Variants in AUTS2 observed in about 807,000 individuals in gnomAD.
The protein encoded by AUTS2 is autism susceptibility gene 2 protein.
AUTS2 carries 17 observed loss-of-function variants against 112.4 expected under a neutral mutation model. The observed-to-expected ratio is 0.15, with a 90% CI of 0.10 to 0.23. The LOEUF (loss-of-function observed/expected upper bound fraction) is 0.23. AUTS2 is among the 10% of genes least tolerant of loss of function. The pLI, the probability that AUTS2 is intolerant of heterozygous loss-of-function variation, is 1.00. For missense variants in AUTS2, 1,510 were observed against 1,701.6 expected (o/e 0.89, Z 1.98); for synonymous variants, 751 against 702.7 (o/e 1.07, Z -1.09).
chr7:70,110,833 A>G (rs1357218956), intron 2 of AUTS2, among the ~76,000 whole-genome samples: 4 of 150,656 alleles, frequency 2.7e-5, no homozygotes, highest in Non-Finnish European at 4.4e-5. Context: ...CATGAATTTC[A>G]AGGGAATACC....
intron 1 of AUTS2, among the ~76,000 whole-genome samples, chr7:69,793,039 A>G (rs1268562835): frequency 6.6e-6 from 1 of 152,110 alleles, no homozygotes; most frequent in Non-Finnish European, 1.5e-5. Context: ...GCTTCAGTAT[A>G]TCTTTCACAA....
chr7:69,858,881 T>G (rs960192047), intron 1 of AUTS2, among the ~76,000 whole-genome samples: 12 of 152,232 alleles, frequency 7.9e-5, no homozygotes, highest in Admixed American at 3.9e-4. Flanking sequence ...TTACTCTTTT[T>G]GCCCTGACAT....
At chr7:69,795,446 G>A (rs1003026169) in intron 1 of AUTS2, among the ~76,000 whole-genome samples, 4 of 152,118 alleles carry the variant, frequency 2.6e-5, no homozygotes, top group Admixed American at 6.5e-5. Flanking sequence ...TTGGGACATC[G>A]AGGCAGGAGG....
chr7:70,731,743 C>G lies in AUTS2; in HGVS notation c.743-31127C>G, dbSNP rs555512746. On this transcript the variant is annotated intron_variant, in intron 6 of 18. Coordinates refer to ENST00000342771, the MANE Select transcript of AUTS2 (RefSeq NM_015570.4). ...CGCGCCCAGTCTCCTTTACCCAGAT[C>G]TAACTCTTAATTTGTTGCTCCATTT... 4.3e-5 allele frequency among the ~76,000 whole-genome samples: 6 copies of G among 140,858 alleles called. No homozygotes were observed. In the East Asian group the frequency reaches 1.5e-3, roughly 35 times the overall value. The allele number at this position is 140,858 out of a possible 152,430, so 92.4% of individuals were successfully genotyped here. A position where few individuals can be genotyped will look rare whatever the true frequency, so the allele number is the denominator to read the frequency against.
intron 5 of AUTS2, among the ~76,000 whole-genome samples, chr7:70,473,931 C>G (rs1438860941): frequency 6.6e-6 from 1 of 152,186 alleles, no homozygotes; most frequent in African/African-American, 2.4e-5. Context: ...TGCTAGCTCA[C>G]CAGATAAAAT....
At chr7:70,545,169 A>G (rs1365878869) in intron 5 of AUTS2, among the ~76,000 whole-genome samples, 1 of 152,238 alleles carries the variant, frequency 6.6e-6, no homozygotes, top group East Asian at 1.9e-4. Context: ...AGCTTGGAAG[A>G]AAGGGAAAGT....
At chr7:70,548,554 A>T (rs993345387) in intron 5 of AUTS2, among the ~76,000 whole-genome samples, 1 of 152,144 alleles carries the variant, frequency 6.6e-6, no homozygotes, top group Non-Finnish European at 1.5e-5. Context: ...ACATTCATCT[A>T]TGTGGCTGAG....
intron 2 of AUTS2, among the ~76,000 whole-genome samples, chr7:70,059,881 C>G (rs1477496743): frequency 6.6e-6 from 1 of 152,208 alleles, no homozygotes; most frequent in Non-Finnish European, 1.5e-5. Context: ...TTCCAAATAG[C>G]TGCTTGACCT....
chr7:70,542,963 G>A (rs1800613551), intron 5 of AUTS2, among the ~76,000 whole-genome samples: 1 of 152,176 alleles, frequency 6.6e-6, no homozygotes, highest in African/African-American at 2.4e-5. Context: ...CAAGCACTAA[G>A]GGGCTGAGAC....
chr7:70,695,246 C>T (rs1350753073), intron 5 of AUTS2, among the ~76,000 whole-genome samples: 4 of 152,160 alleles, frequency 2.6e-5, no homozygotes, highest in African/African-American at 9.6e-5. Context: ...CCCTGTCGCC[C>T]GCCTTTGTAC....
intron 6 of AUTS2, among the ~76,000 whole-genome samples, chr7:70,723,075 A>T (rs1420367560): frequency 6.6e-6 from 1 of 152,204 alleles, no homozygotes; most frequent in Non-Finnish European, 1.5e-5. Context: ...AGTCGGGGAT[A>T]GGAGTAGAGA....
Position 70,766,240 on chromosome 7 carries a change from A to G in AUTS2, c.1595A>G (p.Gln532Arg), listed in dbSNP as rs759371180. 6.2e-7 allele frequency: 1 copy of G among 1,614,028 alleles called. No homozygotes were observed. The highest frequency in any genetic ancestry group is 8.5e-7 in the Non-Finnish European group (1 of 1,179,998). ...TTCCATCAGCACCAGCACCAGCACC[A>G]GCACACCCACCAGCACACGCACCAG... ...TEFHQHQHQH[Q>R]HTHQHTHQHT... The change falls in exon 9 of 19, where the codon CAG becomes CGG. Residue 532 changes from glutamine to arginine, a missense_variant. Gln to Arg is a conservative substitution (Grantham distance 43). Coordinates refer to ENST00000342771, the MANE Select transcript of AUTS2 (RefSeq NM_015570.4). The surrounding 1 kb of genome is among the most constrained non-coding windows in gnomAD (Gnocchi z 4.8).
At chr7:69,689,766 C>T (rs543603354) in intron 1 of AUTS2, among the ~76,000 whole-genome samples, 2 of 151,700 alleles carry the variant, frequency 1.3e-5, no homozygotes, top group Non-Finnish European at 2.9e-5. Context: ...CAACCTCTAT[C>T]TCCCAGGCTC....
intron 5 of AUTS2, among the ~76,000 whole-genome samples, chr7:70,692,564 A>T (rs752395817): frequency 3.9e-5 from 6 of 152,170 alleles, no homozygotes; most frequent in Non-Finnish European, 8.8e-5. Flanking sequence ...ACCTTCTGAG[A>T]TGCCTTTTCT....
chr7:70,488,513 C>T (rs1798107780), intron 5 of AUTS2, among the ~76,000 whole-genome samples: 1 of 152,124 alleles, frequency 6.6e-6, no homozygotes, highest in African/African-American at 2.4e-5. Flanking sequence ...GTCCCCTAAC[C>T]TCCAAGCCCT....
chr7:70,052,534 C>T (rs757908018), intron 2 of AUTS2, among the ~76,000 whole-genome samples: 37 of 152,168 alleles, frequency 2.4e-4, no homozygotes, highest in Non-Finnish European at 4.9e-4. Flanking sequence ...AGGTGGCTGG[C>T]TGAGGTAGCA....
chr7:70,210,423 G>A (rs921615608), intron 4 of AUTS2, among the ~76,000 whole-genome samples: 2 of 152,202 alleles, frequency 1.3e-5, no homozygotes, highest in Admixed American at 1.3e-4. Flanking sequence ...GCAGAGACAT[G>A]TATTAAATCA....
At chr7:70,648,428 T>G (rs1806296367) in intron 5 of AUTS2, among the ~76,000 whole-genome samples, 1 of 152,198 alleles carries the variant, frequency 6.6e-6, no homozygotes. Context: ...TGTGGTGAGT[T>G]TGCAGTTCTG....
intron 2 of AUTS2, among the ~76,000 whole-genome samples, chr7:69,932,848 A>C (rs761987196): frequency 6.6e-6 from 1 of 152,206 alleles, no homozygotes; most frequent in Non-Finnish European, 1.5e-5. Flanking sequence ...GGTTCTCAGT[A>C]ATCTAGAGCT....
Sources: gnomAD v4.1 joint callset for allele counts (sites outside exome capture counted in the v4.1 genomes callset) on GRCh38, gnomAD v4.1.1 for gene constraint, Gnocchi (gnomAD v3.1) non-coding constraint, MANE v1.5 for transcripts, NCBI Gene and HGNC (gene_info 2026-07-23, HGNC 2026-07-21) for gene names.